DNAAF11: variants seen among roughly 807,000 people sequenced by gnomAD.
DNAAF11 encodes the protein leucine rich repeat containing 6.
A neutral mutation model predicts 60.8 loss-of-function variants in DNAAF11; 45 were observed. That is an observed-to-expected ratio of 0.74 (90% confidence interval 0.58 to 0.95). DNAAF11 has a LOEUF of 0.95. Ranked by LOEUF, DNAAF11 falls within the 40% of genes least tolerant of loss-of-function variation. The pLI is 0.00. For synonymous variants in DNAAF11, 191 were observed against 183.5 expected (o/e 1.04, Z -0.33); for missense variants, 546 against 546.2 (o/e 1.00, Z 0.00).
At chr8:132,692,242 G>A in the DNAAF11 span, among the ~76,000 whole-genome samples, 1 of 152,086 alleles carries the variant, frequency 6.6e-6, no homozygotes, top group Admixed American at 6.5e-5. Flanking sequence ...TTATTTGATT[G>A]GAGGTTAAGG....
chr8:132,670,700 A>C (rs573636098), intron 1 of DNAAF11, among the ~76,000 whole-genome samples: 1 of 152,334 alleles, frequency 6.6e-6, no homozygotes, highest in Non-Finnish European at 1.5e-5. Context: ...ACATATGTAA[A>C]AATCCTAAGC....
intron 3 of DNAAF11, among the ~76,000 whole-genome samples, chr8:132,647,592 G>A (rs201310748): frequency 3.4e-5 from 5 of 148,684 alleles, no homozygotes; most frequent in African/African-American, 1.2e-4. Flanking sequence ...TTTGAAAAGA[G>A]CAACAACATT....
intron 3 of DNAAF11, among the ~76,000 whole-genome samples, chr8:132,648,272 C>G (rs1213858448): frequency 6.6e-6 from 1 of 152,148 alleles, no homozygotes; most frequent in Non-Finnish European, 1.5e-5. Flanking sequence ...ATGATTATCT[C>G]AATAGATGCA....
intron 1 of DNAAF11, among the ~76,000 whole-genome samples, chr8:132,663,160 C>T (rs1563708308): frequency 6.6e-6 from 1 of 152,194 alleles, no homozygotes; most frequent in Non-Finnish European, 1.5e-5. Context: ...AGGAAGGAGG[C>T]TAACAGTACA....
Position 132,584,142 on chromosome 8 carries a change from G to A in DNAAF11, c.1141-363C>T, listed in dbSNP as rs77442792. On this transcript the variant is annotated intron_variant, in intron 10 of 11. Transcript: ENST00000620350. ...CACTGCCTTTGGGGTGCTCCTAGTGGAAAGTGGAAAGCACTCTGAGATGGG... is the reference window on the plus strand; with the variant it reads ...CACTGCCTTTGGGGTGCTCCTAGTGAAAAGTGGAAAGCACTCTGAGATGGG... Among the ~76,000 whole-genome samples, 1,304 of 152,258 alleles carry A rather than the reference G, an allele frequency of 8.6e-3. 22 individuals carry two copies. Among genetic ancestry groups the A allele is most frequent in the African/African-American group, 0.03 (1,249 of 41,532 alleles).
At chr8:132,578,366 T>G (rs1814977510) in intron 11 of DNAAF11, 1 of 1,198,260 alleles carries the variant, frequency 8.3e-7, no homozygotes, top group Admixed American at 3.3e-5. Context: ...CACTTGAAGA[T>G]CACAATAATC....
the DNAAF11 span, chr8:132,702,251 T>C: frequency 6.6e-6 from 1 of 152,200 alleles, no homozygotes; most frequent in African/African-American, 2.4e-5. Context: ...GTCTGTTTTA[T>C]AAATGAGCAA....
chr8:132,681,534 T>A, the DNAAF11 span, among the ~76,000 whole-genome samples: 1 of 151,930 alleles, frequency 6.6e-6, no homozygotes, highest in South Asian at 2.1e-4. Context: ...GCATCCAACA[T>A]AAGGGGTAAC....
chr8:132,663,008 T>C (rs529149803), intron 1 of DNAAF11, among the ~76,000 whole-genome samples: 6 of 152,344 alleles, frequency 3.9e-5, no homozygotes, highest in Non-Finnish European at 7.3e-5. Flanking sequence ...CAGTTCTTTA[T>C]AAGAAGGACC....
At chr8:132,651,527 G>A (rs1026292867) in intron 3 of DNAAF11, among the ~76,000 whole-genome samples, 1 of 152,090 alleles carries the variant, frequency 6.6e-6, no homozygotes, top group Admixed American at 6.5e-5. Flanking sequence ...CAGTTCATCC[G>A]TGTTAAAGCT....
chr8:132,670,410 A>G (rs149814122), intron 1 of DNAAF11, among the ~76,000 whole-genome samples: 64 of 152,312 alleles, frequency 4.2e-4, no homozygotes, highest in African/African-American at 1.5e-3. Flanking sequence ...GACACAAATT[A>G]CAAAAGCTCA....
intron 10 of DNAAF11, among the ~76,000 whole-genome samples, chr8:132,602,556 G>A (rs1690419173): frequency 6.6e-6 from 1 of 151,938 alleles, no homozygotes; most frequent in African/African-American, 2.4e-5. Context: ...AATTAAAACA[G>A]TGTTTTACAG....
chr8:132,609,700 C>A (rs1358862330), intron 10 of DNAAF11, among the ~76,000 whole-genome samples: 4 of 152,142 alleles, frequency 2.6e-5, no homozygotes, highest in Non-Finnish European at 5.9e-5. Context: ...TGGAAGAAAA[C>A]CAGTCTGAGG....
Position 132,642,592 on chromosome 8 carries a change from C to T in DNAAF11, c.257-4485G>A, listed in dbSNP as rs149057644. 5.6e-3 allele frequency among the ~76,000 whole-genome samples: 847 copies of T among 152,308 alleles called. 7 individuals carry two copies. Among genetic ancestry groups the T allele is most frequent in the Admixed American group, 6.9e-3 (105 of 15,294 alleles). Reference sequence around the variant, plus strand: ...GTGTCTGGCTACCTTGACTCCACCACGCTCAGAGACCCTAAGCCACCTGGA... The same window carrying T: ...GTGTCTGGCTACCTTGACTCCACCATGCTCAGAGACCCTAAGCCACCTGGA... On this transcript the variant is annotated intron_variant, in intron 3 of 11. Transcript: ENST00000620350.
rs765765424 is a variant in DNAAF11 at position 132,572,348 on chromosome 8, G to A, written c.1359C>T (p.Asp453=). The A allele has an allele frequency of 6.2e-7, 1 of 1,613,990 alleles. No homozygotes were observed. The highest frequency in any genetic ancestry group is 1.7e-5 in the Admixed American group (1 of 60,016). The change falls in exon 12 of 12, where the codon GAC becomes GAT. Residue 453 remains aspartate (D), a synonymous_variant. Coordinates refer to ENST00000620350, the MANE Select transcript of DNAAF11 (RefSeq NM_012472.6). ...PEPKIIPSEE[D]PTFEDNPEVP... ...CTTCAGGGTTGTCTTCAAAGGTTGG[G>A]TCTTCCTCACTTGGTATAATTTTGG...
chr8:132,649,361 T>C (rs532531657), intron 3 of DNAAF11, among the ~76,000 whole-genome samples: 2 of 152,242 alleles, frequency 1.3e-5, no homozygotes, highest in African/African-American at 4.8e-5. Context: ...TTAACAAAAA[T>C]TAATTTGAGA....
At chr8:132,601,600 AG>A (rs2129730005) in intron 10 of DNAAF11, among the ~76,000 whole-genome samples, 1 of 152,250 alleles carries the variant, frequency 6.6e-6, no homozygotes, top group East Asian at 1.9e-4. Flanking sequence ...GCCATAAAAA[AG>A]ATGAGTTCAT....
chr8:132,665,461 A>G (rs142362713), intron 1 of DNAAF11, among the ~76,000 whole-genome samples: 2 of 152,276 alleles, frequency 1.3e-5, no homozygotes, highest in East Asian at 1.9e-4. Flanking sequence ...TGCTTTGGGA[A>G]GACACAAAAG....
intron 1 of DNAAF11, among the ~76,000 whole-genome samples, chr8:132,669,699 A>G (rs1407655116): frequency 6.6e-6 from 1 of 152,216 alleles, no homozygotes; most frequent in Non-Finnish European, 1.5e-5. Flanking sequence ...TTCTGGACAT[A>G]ATAGAGTAAT....
Sources: gnomAD v4.1 joint callset for allele counts (sites outside exome capture counted in the v4.1 genomes callset) on GRCh38, gnomAD v4.1.1 for gene constraint, MANE v1.5 for transcripts, NCBI Gene and HGNC (gene_info 2026-07-23, HGNC 2026-07-21) for gene names.